Variants in PRKD1 observed in about 807,000 individuals in gnomAD.
The protein encoded by PRKD1 is serine/threonine-protein kinase D1.
PRKD1 carries 63 observed loss-of-function variants against 95.9 expected under a neutral mutation model. The ratio of observed to expected loss-of-function variants is 0.66; its 90% confidence interval spans 0.54 to 0.81. PRKD1 has a LOEUF of 0.81. Among genes scored for constraint, PRKD1 ranks in the 30% least tolerant of loss-of-function variants. The pLI, the probability that PRKD1 is intolerant of heterozygous loss-of-function variation, is 0.00. For synonymous variants in PRKD1, 425 were observed against 423.1 expected (o/e 1.00, Z -0.05); for missense variants, 1,048 against 1,165.3 (o/e 0.90, Z 1.47).
chr14:29,586,639 C>CT (rs146490824), intron 16 of PRKD1, among the ~76,000 whole-genome samples: 1,676 of 152,096 alleles, frequency 0.011, 29 homozygotes, highest in African/African-American at 0.039. Context: ...TTACTCTCTC[C>CT]TTTTTTTGTT....
intron 2 of PRKD1, among the ~76,000 whole-genome samples, chr14:29,688,948 CAAAAAAA>C (rs377212196): frequency 3.8e-3 from 122 of 32,516 alleles, no homozygotes; most frequent in Middle Eastern, 0.033. Context: ...GACTCCGTCT[CAAAAAAA>C]AAAAAAAAAA....
At chr14:29,730,387 T>C (rs1366112870) in intron 1 of PRKD1, among the ~76,000 whole-genome samples, 3 of 151,982 alleles carry the variant, frequency 2.0e-5, no homozygotes, top group African/African-American at 7.2e-5. Flanking sequence ...GATGAAAATA[T>C]GGAGAAAAGA....
At chr14:29,625,126 C>G (rs1178641262) in intron 12 of PRKD1, among the ~76,000 whole-genome samples, 1 of 152,188 alleles carries the variant, frequency 6.6e-6, no homozygotes, top group African/African-American at 2.4e-5. Flanking sequence ...TTATATCCCA[C>G]TCTCACTATT....
rs556101189 is a variant in PRKD1, at chr14:29,711,380, T to G, written c.403+14156A>C. 5.6e-3 allele frequency among the ~76,000 whole-genome samples: 850 copies of G among 152,176 alleles called. 3 individuals carry two copies. The highest frequency in any genetic ancestry group is 7.0e-3 in the Non-Finnish European group (474 of 67,968). On this transcript the variant is annotated intron_variant, in intron 2 of 17. Coordinates refer to ENST00000331968, the MANE Select transcript of PRKD1 (RefSeq NM_002742.3). The stretch of plus-strand genomic sequence containing the variant: ...CATTATTTGGTAGTTAAGACAGCAA[T>G]TGACAATCACACAGCTATAAACTAG...
At chr14:29,729,982 T>C (rs1886353290) in intron 1 of PRKD1, among the ~76,000 whole-genome samples, 2 of 151,186 alleles carry the variant, frequency 1.3e-5, no homozygotes, top group South Asian at 2.1e-4. Context: ...TGGGCAACGA[T>C]TTTTTTATAT....
chr14:29,677,176 A>AT (rs1424143589), intron 2 of PRKD1, among the ~76,000 whole-genome samples: 5 of 152,180 alleles, frequency 3.3e-5, no homozygotes, highest in Non-Finnish European at 7.4e-5. Context: ...TTATTCTTAC[A>AT]TTTTATTATT....
At chr14:29,695,594 C>G (rs10148467) in intron 2 of PRKD1, among the ~76,000 whole-genome samples, 66,696 of 152,066 alleles carry the variant, frequency 0.44, 15,250 homozygotes, top group African/African-American at 0.56. Flanking sequence ...TGGGAAGAGC[C>G]TAAGAGCTGC....
chr14:29,813,675 A>G (rs1043797526), intron 1 of PRKD1, among the ~76,000 whole-genome samples: 2 of 152,216 alleles, frequency 1.3e-5, no homozygotes, highest in African/African-American at 4.8e-5. Flanking sequence ...GGCCTAGCAC[A>G]TTTGAAACAC....
At chr14:29,836,602 A>T (rs1346549551) in intron 1 of PRKD1, among the ~76,000 whole-genome samples, 2 of 152,208 alleles carry the variant, frequency 1.3e-5, no homozygotes, top group Admixed American at 6.5e-5. Flanking sequence ...AGTGGGAACT[A>T]CAACTGCTGA....
rs369295858 is a variant in PRKD1 at position 29,871,809 on chromosome 14, C to T, written c.264+55440G>A. Among the ~76,000 whole-genome samples, 40 of 152,160 alleles carry T rather than the reference C, an allele frequency of 2.6e-4. 1 individual carries two copies. The East Asian group carries it at 7.5e-3, about 29-fold the overall frequency. ...TCTTGCTCTGGGTCCTCTTGGGTCACGTGTATTAACCTACTTTCCAAAAGA... is the reference window on the plus strand; with the variant it reads ...TCTTGCTCTGGGTCCTCTTGGGTCATGTGTATTAACCTACTTTCCAAAAGA... On this transcript the variant is annotated intron_variant, in intron 1 of 17. Coordinates refer to ENST00000331968, the MANE Select transcript of PRKD1 (RefSeq NM_002742.3).
chr14:29,852,025 AAC>A, intron 1 of PRKD1, among the ~76,000 whole-genome samples: 1 of 152,304 alleles, frequency 6.6e-6, no homozygotes, highest in South Asian at 2.1e-4. Context: ...GTGGGAGCTA[AAC>A]ACTGGGTACA....
At chr14:29,867,659 G>A (rs1892957330) in intron 1 of PRKD1, among the ~76,000 whole-genome samples, 1 of 152,222 alleles carries the variant, frequency 6.6e-6, no homozygotes, top group Non-Finnish European at 1.5e-5. Context: ...TCAAATCTGT[G>A]TTGCTAAAAG....
chr14:29,718,742 A>G (rs959515176), intron 2 of PRKD1, among the ~76,000 whole-genome samples: 1 of 152,188 alleles, frequency 6.6e-6, no homozygotes, highest in Non-Finnish European at 1.5e-5. Context: ...ACAAGGAAAT[A>G]TAAATTGAGC....
At chr14:29,600,319 ACT>A (rs1355181522) in intron 13 of PRKD1, among the ~76,000 whole-genome samples, 1 of 151,958 alleles carries the variant, frequency 6.6e-6, no homozygotes, top group Non-Finnish European at 1.5e-5. Context: ...TTTGACAGAA[ACT>A]CTTATACTAA....
intron 11 of PRKD1, among the ~76,000 whole-genome samples, chr14:29,627,937 C>A (rs1017303958): frequency 1.3e-5 from 2 of 152,100 alleles, no homozygotes; most frequent in African/African-American, 4.8e-5. Flanking sequence ...TTAGGCTTTC[C>A]GATAACTCAA....
intron 1 of PRKD1, among the ~76,000 whole-genome samples, chr14:29,859,034 G>A (rs1255071443): frequency 6.6e-6 from 1 of 151,964 alleles, no homozygotes; most frequent in African/African-American, 2.4e-5. Flanking sequence ...TAAACCAATG[G>A]CAAAAAGCAG....
At chr14:29,668,194 C>G (rs2139224934) in intron 2 of PRKD1, among the ~76,000 whole-genome samples, 1 of 152,276 alleles carries the variant, frequency 6.6e-6, no homozygotes, top group Admixed American at 6.5e-5. Context: ...TGAGTGTATG[C>G]ATGCCACCTC....
intron 9 of PRKD1, 86 bp from the exon 10 acceptor site, chr14:29,631,107 T>C (rs1187052183): frequency 7.7e-6 from 10 of 1,294,366 alleles, no homozygotes; most frequent in Non-Finnish European, 1.1e-5. Context: ...ATGTGAAAAA[T>C]GACATCACAA....
At chr14:29,696,705 T>C (rs1261677015) in intron 2 of PRKD1, among the ~76,000 whole-genome samples, 1 of 152,190 alleles carries the variant, frequency 6.6e-6, no homozygotes, top group Non-Finnish European at 1.5e-5. Flanking sequence ...ATGAAGTAAA[T>C]CACTTTCTAT....
Sources: gnomAD v4.1 joint callset for allele counts (sites outside exome capture counted in the v4.1 genomes callset) on GRCh38, gnomAD v4.1.1 for gene constraint, MANE v1.5 for transcripts, NCBI Gene and HGNC (gene_info 2026-07-23, HGNC 2026-07-21) for gene names.